Variants in BMP1 observed in about 807,000 individuals in gnomAD.
BMP1 encodes bone morphogenetic protein 1.
A neutral mutation model predicts 116.8 loss-of-function variants in BMP1; 63 were observed. The observed-to-expected ratio is 0.54, with a 90% CI of 0.44 to 0.67. BMP1 has a LOEUF of 0.67. Among genes scored for constraint, BMP1 ranks in the 30% least tolerant of loss-of-function variants. The pLI, the probability that BMP1 is intolerant of heterozygous loss-of-function variation, is 0.00. For missense variants in BMP1, 1,183 were observed against 1,358.9 expected (o/e 0.87, Z 2.04); for synonymous variants, 536 against 533.4 (o/e 1.00, Z -0.07).
Position 22,207,390 on chromosome 8 carries a change from G to A in BMP1, c.2449G>A (p.Val817Ile), listed in dbSNP as rs543117827. 60 of 1,614,130 alleles carry A rather than the reference G, an allele frequency of 3.7e-5. No individual in the cohort carries two copies. The highest frequency in any genetic ancestry group is 2.9e-4 in the East Asian group (13 of 44,878). ...CGACGGGCGAGACGCCAAGGCCCCC[G>A]TCCTCGGCCGCTTCTGTGGGAGCAA... ...VFDGRDAKAP[V>I]LGRFCGSKKP... Residue 817 changes from valine (V) to isoleucine (I), a missense_variant, in exon 18 of 20, where the codon GTC becomes ATC. By Grantham distance (29) the Val-to-Ile change is conservative. Coordinates refer to ENST00000306385, the MANE Select transcript of BMP1 (RefSeq NM_006129.5).
chr8:22,202,996 T>TG (rs902877417), intron 16 of BMP1, among the ~76,000 whole-genome samples: 3 of 150,198 alleles, frequency 2.0e-5, no homozygotes, highest in African/African-American at 7.4e-5. Context: ...GGTGACAGAG[T>TG]GGGAAAAAAC....
intron 8 of BMP1, among the ~76,000 whole-genome samples, chr8:22,182,015 C>A (rs766735013): frequency 1.8e-4 from 27 of 152,294 alleles, no homozygotes; most frequent in Admixed American, 1.3e-3. Context: ...TAGATCCATT[C>A]CCGGTCTTTT....
rs372546210 is a variant in BMP1 at position 22,197,383 on chromosome 8, C to T, written c.2070C>T (p.Thr690=). 37 of 1,612,520 alleles carry T rather than the reference C, an allele frequency of 2.3e-5. No individual in the cohort carries two copies. Among genetic ancestry groups the T allele is most frequent in the African/African-American group, 2.1e-4 (16 of 74,990 alleles). Residue 690 remains threonine (T), a synonymous_variant, in exon 15 of 20, where the codon ACC becomes ACT. Coordinates refer to ENST00000306385, the MANE Select transcript of BMP1 (RefSeq NM_006129.5). ...GCGTGGAGTTCAAGTCCGACAACAC[C>T]GTGTCCAAAAAGGGCTTCAAGGCCC... ...NMRVEFKSDN[T]VSKKGFKAHF...
chr8:22,206,732 G>C, intron 16 of BMP1, 122 bp from the exon 17 acceptor site: 1 of 1,435,088 alleles, frequency 7.0e-7, no homozygotes. Context: ...CTGCCATCCA[G>C]TTCATAAGTG....
chr8:22,168,196 G>T (rs965048246), intron 1 of BMP1, among the ~76,000 whole-genome samples: 1 of 152,160 alleles, frequency 6.6e-6, no homozygotes, highest in Non-Finnish European at 1.5e-5. Context: ...AGACCAGGAC[G>T]TTGGGCAGGA....
At chr8:22,207,126 C>G (rs1038061411) in intron 17 of BMP1, 145 bp downstream of exon 17, 1 of 1,437,080 alleles carries the variant, frequency 7.0e-7, no homozygotes, top group African/African-American at 1.4e-5. Flanking sequence ...GGCCCCTTTC[C>G]CAGTATAAAT....
intron 14 of BMP1, 122 bp downstream of exon 14, chr8:22,196,962 G>A: frequency 7.5e-7 from 1 of 1,324,818 alleles, no homozygotes; most frequent in Non-Finnish European, 1.0e-6. Context: ...ATATCGAGGA[G>A]AGACTGCTCC....
Position 22,194,863 on chromosome 8 carries a change from A to T in BMP1, c.1583A>T (p.Lys528Met). The T allele has an allele frequency of 6.2e-7, 1 of 1,614,070 alleles. No homozygotes were observed. Among genetic ancestry groups the T allele is most frequent in the Non-Finnish European group, 8.5e-7 (1 of 1,179,996 alleles). ...IKSTSSRLWL[K>M]FVSDGSINKA... ...AGCACGTCCAGCCGCCTCTGGCTCA[A>T]GTTCGTCTCTGACGGGTCCATTAAC... Residue 528 changes from lysine (K) to methionine (M), a missense_variant, in exon 12 of 20, where the codon AAG becomes ATG. Around this residue, in one of 4 missense-constraint regions of BMP1, gnomAD observed 956 missense variants for 1,135.2 expected, o/e 0.84. Coordinates refer to ENST00000306385, the MANE Select transcript of BMP1 (RefSeq NM_006129.5). The surrounding 1 kb of genome is among the most constrained non-coding windows in gnomAD (Gnocchi z 4.5).
chr8:22,207,058 G>A (rs1317977460), intron 17 of BMP1, 77 bp downstream of exon 17: 3 of 1,574,112 alleles, frequency 1.9e-6, no homozygotes, highest in Non-Finnish European at 2.6e-6. Context: ...CACACAGGCT[G>A]CAGGCTGAGC....
At chr8:22,203,022 TAAATA>T (rs1471907635) in intron 16 of BMP1, among the ~76,000 whole-genome samples, 2 of 151,620 alleles carry the variant, frequency 1.3e-5, no homozygotes, top group Non-Finnish European at 2.9e-5. Flanking sequence ...AAAATATAAA[TAAATA>T]AATAAAGCAA....
intron 16 of BMP1, 31 bp downstream of exon 16, chr8:22,201,959 T>C: frequency 6.3e-7 from 1 of 1,592,044 alleles, no homozygotes; most frequent in Non-Finnish European, 8.6e-7. Context: ...GCATCTGGGC[T>C]TGAAGGACCT....
chr8:22,201,667 A>T, intron 15 of BMP1, 136 bp from the exon 16 acceptor site: 1 of 1,449,698 alleles, frequency 6.9e-7, no homozygotes, highest in Non-Finnish European at 9.2e-7. Flanking sequence ...ACTCCCGGCC[A>T]CCTGGCCTGG....
Position 22,208,861 on chromosome 8 carries a change from G to A in BMP1, c.2576-584G>A, listed in dbSNP as rs540705391. On this transcript the variant is annotated intron_variant, in intron 18 of 19. Transcript: ENST00000306385. ...CTTCCCTCTCCCCACCTCCTCTAGC[G>A]AGACCTGAGTGCCAGGTGCACAAAA... Among the ~76,000 whole-genome samples, 9 of 152,200 alleles carry A rather than the reference G, an allele frequency of 5.9e-5. No individual in the cohort carries two copies. In the South Asian group the frequency reaches 1.5e-3, roughly 25 times the overall value.
intron 8 of BMP1, among the ~76,000 whole-genome samples, chr8:22,189,981 C>T (rs901236991): frequency 4.6e-5 from 7 of 152,066 alleles, no homozygotes; most frequent in African/African-American, 1.4e-4. Context: ...AGTGCAGTGG[C>T]ATGATCTAGG....
intron 18 of BMP1, 105 bp from the exon 19 acceptor site, chr8:22,209,340 C>A: frequency 6.6e-7 from 1 of 1,522,716 alleles, no homozygotes; most frequent in Non-Finnish European, 8.8e-7. Context: ...TCGTGGCCTT[C>A]ACCCAGGCCT....
chr8:22,202,967 A>G (rs1829292883), intron 16 of BMP1, among the ~76,000 whole-genome samples: 1 of 152,126 alleles, frequency 6.6e-6, no homozygotes, highest in African/African-American at 2.4e-5. Context: ...CCGAGATCAC[A>G]CCACTGTACT....
At chr8:22,167,855 C>T (rs1009590862) in intron 1 of BMP1, among the ~76,000 whole-genome samples, 74 of 152,196 alleles carry the variant, frequency 4.9e-4, no homozygotes, top group Non-Finnish European at 9.7e-4. Context: ...CTCACACCCA[C>T]ACCCCTGTGC....
chr8:22,178,860 C>T (rs1333703686), intron 6 of BMP1, among the ~76,000 whole-genome samples: 1 of 152,130 alleles, frequency 6.6e-6, no homozygotes, highest in Non-Finnish European at 1.5e-5. Context: ...GTCTGTGTCC[C>T]AGACAGTGGC....
intron 19 of BMP1, among the ~76,000 whole-genome samples, chr8:22,210,685 G>C (rs1829448836): frequency 6.6e-6 from 1 of 152,284 alleles, no homozygotes; most frequent in Admixed American, 6.5e-5. Context: ...TCGTGTGGCT[G>C]GCAGGGGCTG....
Sources: allele counts gnomAD v4.1 joint callset (sites outside exome capture counted in the v4.1 genomes callset), GRCh38; gene constraint gnomAD v4.1.1; regional missense constraint gnomAD v4.1.1; non-coding constraint Gnocchi (gnomAD v3.1); transcripts MANE v1.5; gene names NCBI Gene and HGNC (gene_info 2026-07-23, HGNC 2026-07-21).